GNA12: variants seen among roughly 807,000 people sequenced by gnomAD.
GNA12 encodes G protein subunit alpha 12.
In GNA12, 9 loss-of-function variants were observed where a neutral mutation model predicts 26.0. That is an observed-to-expected ratio of 0.35 (90% confidence interval 0.21 to 0.60). The LOEUF is 0.60. GNA12 is among the 20% of genes least tolerant of loss of function. The pLI, the probability that GNA12 is intolerant of heterozygous loss-of-function variation, is 0.78. For missense variants in GNA12, 405 were observed against 525.8 expected, an observed-to-expected ratio of 0.77 and a Z score of 2.25; for synonymous variants, 264 against 219.6, an observed-to-expected ratio of 1.20 and a Z score of -1.79.
At chr7:2,751,516 A>T (rs1791039887) in intron 2 of GNA12, among the ~76,000 whole-genome samples, 1 of 152,194 alleles carries the variant, frequency 6.6e-6, no homozygotes, top group Non-Finnish European at 1.5e-5. Flanking sequence ...CAGGAGAAAG[A>T]AAATAACAAA....
intron 2 of GNA12, among the ~76,000 whole-genome samples, chr7:2,778,151 G>C (rs1450190436): frequency 6.6e-6 from 1 of 152,138 alleles, no homozygotes; most frequent in African/African-American, 2.4e-5. Context: ...TGGTCTGCTA[G>C]AAGGTTTAGT....
At chr7:2,839,946 T>G (rs538734011) in intron 1 of GNA12, among the ~76,000 whole-genome samples, 3 of 152,158 alleles carry the variant, frequency 2.0e-5, no homozygotes, top group African/African-American at 7.2e-5. Context: ...TGCAGTGAGC[T>G]GAGATTGTGC....
At position 2,832,381 on chromosome 7, in the gene GNA12, G is replaced by A. The variant is rs570327351; in HGVS notation, c.309+11472C>T. Among the ~76,000 whole-genome samples the A allele has an allele frequency of 9.2e-5, 14 of 152,278 alleles. No individual in the cohort carries two copies. In the South Asian group the frequency reaches 1.7e-3, roughly 18 times the overall value. ...TCTGAACGACAGAGCAGGTCCTCCC[G>A]TGGACCCCGCATCTAGCCTGGCCTT... On this transcript the variant is annotated intron_variant, in intron 1 of 3. Coordinates refer to ENST00000275364, the MANE Select transcript of GNA12 (RefSeq NM_007353.3).
At chr7:2,791,401 T>A (rs547811900) in intron 2 of GNA12, among the ~76,000 whole-genome samples, 1 of 152,286 alleles carries the variant, frequency 6.6e-6, no homozygotes, top group African/African-American at 2.4e-5. Context: ...AAGGGAAGAT[T>A]TCCATCCCCC....
chr7:2,773,198 A>G (rs933445108), intron 2 of GNA12, among the ~76,000 whole-genome samples: 2 of 152,258 alleles, frequency 1.3e-5, no homozygotes, highest in Non-Finnish European at 2.9e-5. Context: ...GTAGATACAT[A>G]CGTAAATCTC....
chr7:2,833,724 G>T (rs1345755163), intron 1 of GNA12, among the ~76,000 whole-genome samples: 1 of 143,620 alleles, frequency 7.0e-6, no homozygotes, highest in Non-Finnish European at 1.6e-5. Context: ...TGCCAACAAG[G>T]CCATAAAAAC....
At chr7:2,833,538 G>A (rs979713379) in intron 1 of GNA12, among the ~76,000 whole-genome samples, 20 of 152,256 alleles carry the variant, frequency 1.3e-4, no homozygotes, top group African/African-American at 4.8e-4. Context: ...GAAAGCCAGG[G>A]GACAAGACCA....
intron 2 of GNA12, among the ~76,000 whole-genome samples, chr7:2,736,164 T>C (rs1302575731): frequency 3.9e-5 from 6 of 152,192 alleles, no homozygotes; most frequent in Non-Finnish European, 8.8e-5. Flanking sequence ...AGAAAATGCA[T>C]GTGGCAGAAA....
chr7:2,757,435 C>T (rs1016939851), intron 2 of GNA12, among the ~76,000 whole-genome samples: 2 of 152,168 alleles, frequency 1.3e-5, no homozygotes, highest in Non-Finnish European at 2.9e-5. Context: ...GAAGTGAGGG[C>T]ACCCCTAGGA....
chr7:2,842,443 T>C (rs1434304065), intron 1 of GNA12, among the ~76,000 whole-genome samples: 1 of 152,136 alleles, frequency 6.6e-6, no homozygotes, highest in Non-Finnish European at 1.5e-5. Flanking sequence ...GGACTACAGG[T>C]GCATTCCACC....
In GNA12 at chr7:2,814,875, A is replaced by C. The variant is rs745971288; in HGVS notation, c.310-19732T>G. ...CTGCTCCCCTCCACAGCACTCACTC[A>C]CACGACTGCCAGGCATCCTTGCTAG... On this transcript the variant is annotated intron_variant, in intron 1 of 3. Coordinates refer to ENST00000275364, the MANE Select transcript of GNA12 (RefSeq NM_007353.3). 5 of 1,602,020 alleles carry C rather than the reference A, an allele frequency of 3.1e-6. No homozygotes were observed. The South Asian group carries it at 5.6e-5, about 18-fold the overall frequency.
intron 2 of GNA12, among the ~76,000 whole-genome samples, chr7:2,773,538 G>T (rs1379615042): frequency 2.6e-5 from 4 of 152,130 alleles, no homozygotes; most frequent in African/African-American, 9.7e-5. Context: ...CTCCAGCCAG[G>T]GCGACAGAGT....
intron 2 of GNA12, among the ~76,000 whole-genome samples, chr7:2,782,089 C>A (rs1415044073): frequency 2.6e-5 from 4 of 152,170 alleles, no homozygotes; most frequent in African/African-American, 9.6e-5. Context: ...GCTAGAACAA[C>A]TGAGTGTCCA....
chr7:2,844,184 C>A lies in GNA12; in HGVS notation c.-23G>T, dbSNP rs1779098179. 6 of 979,016 alleles carry A rather than the reference C, an allele frequency of 6.1e-6. No individual in the cohort carries two copies. In the South Asian group the frequency reaches 2.3e-4, roughly 37 times the overall value. The allele number at this position is 979,016 out of a possible 1,614,324, so 60.6% of individuals were successfully genotyped here. Reference sequence around the variant, plus strand: ...CATGGCCCCTCAGGCCGCGGCCGCGCCCCGCCGGCGCCCGGGGGCCATGGA... The same window carrying A: ...CATGGCCCCTCAGGCCGCGGCCGCGACCCGCCGGCGCCCGGGGGCCATGGA... On this transcript the variant is annotated 5_prime_UTR_variant, in exon 1 of 4. Transcript: ENST00000275364.
At chr7:2,753,742 T>C (rs571571798) in intron 2 of GNA12, among the ~76,000 whole-genome samples, 9 of 152,198 alleles carry the variant, frequency 5.9e-5, no homozygotes, top group African/African-American at 2.2e-4. Context: ...ATGTTTAATT[T>C]TTTTTTCCTT....
chr7:2,798,722 A>T (rs1367883765), intron 1 of GNA12, among the ~76,000 whole-genome samples: 1 of 152,250 alleles, frequency 6.6e-6, no homozygotes, highest in African/African-American at 2.4e-5. Context: ...AAAAGTGGGA[A>T]CAATCAGTCT....
Position 2,749,212 on chromosome 7 carries a change from G to A in GNA12, c.526-15711C>T, listed in dbSNP as rs933468340. Among the ~76,000 whole-genome samples the A allele has an allele frequency of 5.9e-5, 9 of 152,050 alleles. 1 individual carries two copies. Among genetic ancestry groups the A allele is most frequent in the Admixed American group, 4.6e-4 (7 of 15,274 alleles). On this transcript the variant is annotated intron_variant, in intron 2 of 3. Coordinates refer to ENST00000275364, the MANE Select transcript of GNA12 (RefSeq NM_007353.3). Reference sequence around the variant, plus strand: ...TGCTGCTATAAAGACACATGCACACGTGTGTTTATTGCGGCACTATTCACA... The same window carrying A: ...TGCTGCTATAAAGACACATGCACACATGTGTTTATTGCGGCACTATTCACA...
chr7:2,765,558 C>G (rs1374067390), intron 2 of GNA12, among the ~76,000 whole-genome samples: 1 of 151,814 alleles, frequency 6.6e-6, no homozygotes, highest in African/African-American at 2.4e-5. Context: ...CTCCAACATT[C>G]AATTAAAGGT....
intron 2 of GNA12, among the ~76,000 whole-genome samples, chr7:2,783,308 G>A (rs866831254): frequency 6.6e-6 from 1 of 152,196 alleles, no homozygotes; most frequent in Non-Finnish European, 1.5e-5. Flanking sequence ...CCATCGCACA[G>A]GGGTTGCCTG....
Sources: gnomAD v4.1 joint callset for allele counts (sites outside exome capture counted in the v4.1 genomes callset) on GRCh38, gnomAD v4.1.1 for gene constraint, MANE v1.5 for transcripts, NCBI Gene and HGNC (gene_info 2026-07-23, HGNC 2026-07-21) for gene names.